The following PDZRN3 variants were observed in gnomAD, a reference collection of about 807,000 sequenced individuals.
PDZRN3 encodes E3 ubiquitin-protein ligase PDZRN3.
PDZRN3 carries 38 observed loss-of-function variants against 85.7 expected under a neutral mutation model. The ratio of observed to expected loss-of-function variants is 0.44; its 90% confidence interval spans 0.34 to 0.58. The LOEUF (loss-of-function observed/expected upper bound fraction) is 0.58. PDZRN3 is among the 20% of genes least tolerant of loss of function. The probability of loss-of-function intolerance (pLI) is 0.01; values close to 1 mark genes in which losing one functional copy is unlikely to be tolerated. For missense variants in PDZRN3, 1,629 were observed against 1,506.4 expected (o/e 1.08, Z -1.35); for synonymous variants, 759 against 638.0 (o/e 1.19, Z -2.86).
At chr3:73,492,842 T>G (rs1335772182) in intron 3 of PDZRN3, among the ~76,000 whole-genome samples, 1 of 152,222 alleles carries the variant, frequency 6.6e-6, no homozygotes, top group African/African-American at 2.4e-5. Flanking sequence ...TTACCTAATC[T>G]GATCATTACA....
chr3:73,526,961 G>A (rs1415536624), intron 3 of PDZRN3, among the ~76,000 whole-genome samples: 1 of 152,050 alleles, frequency 6.6e-6, no homozygotes, highest in Admixed American at 6.6e-5. Context: ...CGGCTCTCCT[G>A]CCTCAGCCTC....
In PDZRN3 at chr3:73,382,889, G is replaced by GATT. The variant is rs1703269590; in HGVS notation, c.*475_*476insAAT. 1 of 155,604 alleles carries GATT rather than the reference G, an allele frequency of 6.4e-6. No individual in the cohort carries two copies. The highest frequency in any genetic ancestry group is 1.4e-5 in the Non-Finnish European group (1 of 69,996). 9.6% of individuals were successfully genotyped at this position (155,604 alleles called of 1,614,324 possible). A position where few individuals can be genotyped will look rare whatever the true frequency, so the allele number is the denominator to read the frequency against. On this transcript the variant is annotated 3_prime_UTR_variant, in exon 10 of 10. Coordinates refer to ENST00000263666, the MANE Select transcript of PDZRN3 (RefSeq NM_015009.3). The stretch of plus-strand genomic sequence containing the variant: ...TTTGAGTTGAAACCTTCACCTAAAT[G>GATT]ATAATATCTTAACGGTCACGCATAT...
intron 3 of PDZRN3, among the ~76,000 whole-genome samples, chr3:73,488,118 A>AC (rs1341853284): frequency 2.6e-5 from 4 of 152,210 alleles, no homozygotes; most frequent in African/African-American, 9.6e-5. Context: ...AGGTGCCAGC[A>AC]CAGGTCTGAT....
intron 1 of PDZRN3, among the ~76,000 whole-genome samples, chr3:73,618,385 G>T (rs2106917010): frequency 6.6e-6 from 1 of 152,218 alleles, no homozygotes; most frequent in East Asian, 1.9e-4. Context: ...TCTTATTTTG[G>T]TAACAGTGTG....
Position 73,624,640 on chromosome 3 carries a change from G to A in PDZRN3, c.186C>T (p.Ala62=), listed in dbSNP as rs1303341511. 8 of 1,550,826 alleles carry A rather than the reference G, an allele frequency of 5.2e-6. No homozygotes were observed. In the African/African-American group the frequency reaches 9.9e-5, roughly 19 times the overall value. The change falls in exon 1 of 10, where the codon GCC becomes GCT. Residue 62 remains alanine, a synonymous_variant. Transcript: ENST00000263666. Reference sequence around the variant, plus strand: ...GCGGCAGGACGTGGTTGAGCTCTTTGGCCGACAGGCGACCGCGGCAGCGCG... The same window carrying A: ...GCGGCAGGACGTGGTTGAGCTCTTTAGCCGACAGGCGACCGCGGCAGCGCG... ...CPARCRGRLS[A]KELNHVLPLK...
chr3:73,519,362 A>G (rs1407980875), intron 3 of PDZRN3, among the ~76,000 whole-genome samples: 2 of 152,224 alleles, frequency 1.3e-5, no homozygotes, highest in Non-Finnish European at 2.9e-5. Context: ...GCCAGCACGA[A>G]GGCTATTTTC....
intron 3 of PDZRN3, among the ~76,000 whole-genome samples, chr3:73,520,742 A>G (rs1704346264): frequency 6.6e-6 from 1 of 152,052 alleles, no homozygotes. Context: ...GGGTAGGGGG[A>G]GCAGGGGCAA....
intron 3 of PDZRN3, among the ~76,000 whole-genome samples, chr3:73,576,459 T>C (rs1702124694): frequency 6.6e-6 from 1 of 152,180 alleles, no homozygotes; most frequent in Non-Finnish European, 1.5e-5. Flanking sequence ...AAGAATGCCA[T>C]AGCCTGACTT....
intron 3 of PDZRN3, among the ~76,000 whole-genome samples, chr3:73,525,079 T>C (rs945305172): frequency 1.3e-4 from 19 of 150,920 alleles, no homozygotes; most frequent in African/African-American, 4.4e-4. Context: ...TATTGCCTTC[T>C]ATGCCAGAGT....
chr3:73,562,282 CTAA>C (rs949898523), intron 3 of PDZRN3, among the ~76,000 whole-genome samples: 3 of 152,046 alleles, frequency 2.0e-5, no homozygotes, highest in African/African-American at 7.3e-5. Flanking sequence ...AGGGTAAAAG[CTAA>C]TAAAAGAAAT....
chr3:73,511,990 T>C (rs924855499), intron 3 of PDZRN3, among the ~76,000 whole-genome samples: 3 of 152,258 alleles, frequency 2.0e-5, no homozygotes, highest in African/African-American at 7.2e-5. Flanking sequence ...GCAGAGCCTA[T>C]ACACTTATAC....
At chr3:73,535,394 AG>A (rs535483816) in intron 3 of PDZRN3, among the ~76,000 whole-genome samples, 66 of 152,254 alleles carry the variant, frequency 4.3e-4, no homozygotes, top group African/African-American at 1.5e-3. Context: ...ATGCCCTCAC[AG>A]TATCCAAGGA....
intron 3 of PDZRN3, among the ~76,000 whole-genome samples, chr3:73,482,864 T>C (rs548780885): frequency 6.6e-6 from 1 of 152,348 alleles, no homozygotes; most frequent in South Asian, 2.1e-4. Flanking sequence ...TCAGAAGCTA[T>C]GCTACTTGCT....
intron 3 of PDZRN3, among the ~76,000 whole-genome samples, chr3:73,525,976 C>T (rs1704513070): frequency 6.6e-6 from 1 of 152,204 alleles, no homozygotes; most frequent in African/African-American, 2.4e-5. Flanking sequence ...TGGAGCCACA[C>T]ATTAGGATGT....
chr3:73,399,431 GTAGA>G (rs1701706066), intron 5 of PDZRN3, among the ~76,000 whole-genome samples: 1 of 152,164 alleles, frequency 6.6e-6, no homozygotes, highest in African/African-American at 2.4e-5. Context: ...GGGATTCTAG[GTAGA>G]TAGTCAAGAT....
intron 3 of PDZRN3, chr3:73,433,607 G>T: frequency 7.0e-7 from 1 of 1,422,120 alleles, no homozygotes; most frequent in Non-Finnish European, 9.6e-7. Flanking sequence ...GGGTGCCTAT[G>T]CACTTCTATG....
At chr3:73,592,257 CT>C in intron 3 of PDZRN3, among the ~76,000 whole-genome samples, 1 of 152,182 alleles carries the variant, frequency 6.6e-6, no homozygotes, top group East Asian at 1.9e-4. Flanking sequence ...AAAAACCTGT[CT>C]TTTTAAATTA....
chr3:73,576,405 A>G (rs1702124068), intron 3 of PDZRN3, among the ~76,000 whole-genome samples: 1 of 152,212 alleles, frequency 6.6e-6, no homozygotes, highest in Non-Finnish European at 1.5e-5. Context: ...TCAATCTACG[A>G]GTCAAGACAA....
intron 3 of PDZRN3, among the ~76,000 whole-genome samples, chr3:73,418,495 T>C (rs1287476794): frequency 6.6e-6 from 1 of 152,196 alleles, no homozygotes; most frequent in Non-Finnish European, 1.5e-5. Context: ...TAGATAATGT[T>C]GATTTTTAAT....
Sources: gnomAD v4.1 joint callset for allele counts (sites outside exome capture counted in the v4.1 genomes callset) on GRCh38, gnomAD v4.1.1 for gene constraint, MANE v1.5 for transcripts, NCBI Gene and HGNC (gene_info 2026-07-23, HGNC 2026-07-21) for gene names.